The following PRKCI variants were observed in gnomAD, a reference collection of about 807,000 sequenced individuals.
PRKCI encodes the protein protein kinase C iota, also known as protein kinase C iota type.
Under a neutral mutation model 84.0 loss-of-function variants are expected in PRKCI, and 43 were observed. The observed-to-expected ratio is 0.51, with a 90% CI of 0.40 to 0.66. The LOEUF is 0.66. PRKCI is among the 30% of genes least tolerant of loss of function. The pLI is 0.00. For missense variants in PRKCI, 459 were observed against 745.6 expected, an observed-to-expected ratio of 0.62 and a Z score of 4.48; for synonymous variants, 216 against 234.4, an observed-to-expected ratio of 0.92 and a Z score of 0.72.
chr3:170,272,567 A>G (rs187194732), intron 6 of PRKCI, among the ~76,000 whole-genome samples: 1 of 152,328 alleles, frequency 6.6e-6, no homozygotes, highest in Admixed American at 6.5e-5. Flanking sequence ...TATGGAAGGA[A>G]AGGGGGCAGG....
At chr3:170,243,103 A>T (rs1733178819) in intron 2 of PRKCI, among the ~76,000 whole-genome samples, 1 of 152,180 alleles carries the variant, frequency 6.6e-6, no homozygotes, top group Non-Finnish European at 1.5e-5. Context: ...AGTTATACAT[A>T]TTAAAACTTT....
intron 8 of PRKCI, among the ~76,000 whole-genome samples, chr3:170,276,319 T>C (rs1015351953): frequency 1.3e-5 from 2 of 152,194 alleles, no homozygotes; most frequent in African/African-American, 4.8e-5. Context: ...AGCTATCAAT[T>C]CATGTCTAGC....
At chr3:170,293,202 T>G in intron 13 of PRKCI, 181 bp from the exon 14 acceptor site, 1 of 490,382 alleles carries the variant, frequency 2.0e-6, no homozygotes, top group Non-Finnish European at 3.5e-6. Flanking sequence ...ATCTTTTAGG[T>G]ACCTACCCTT....
rs180957937 is a variant in PRKCI at position 170,250,583 on chromosome 3, G to A, written c.224-9386G>A. Among the ~76,000 whole-genome samples, 7 of 152,072 alleles carry A rather than the reference G, an allele frequency of 4.6e-5. No homozygotes were observed. The East Asian group carries it at 1.4e-3, about 29-fold the overall frequency. ...TGATTCTAGACATTTCCTATACAGT[G>A]TCATTACTAATTCCTTTTATGGGTG... On this transcript the variant is annotated intron_variant, in intron 2 of 17. Transcript: ENST00000295797.
At chr3:170,288,445 C>T (rs574218090) in intron 12 of PRKCI, among the ~76,000 whole-genome samples, 1 of 152,174 alleles carries the variant, frequency 6.6e-6, no homozygotes, top group Non-Finnish European at 1.5e-5. Flanking sequence ...TCTGCCTTTC[C>T]TCCTTCTCCA....
At chr3:170,290,891 A>C (rs1734534081) in intron 12 of PRKCI, among the ~76,000 whole-genome samples, 1 of 152,076 alleles carries the variant, frequency 6.6e-6, no homozygotes, top group African/African-American at 2.4e-5. Context: ...TAATCCCAGC[A>C]CTTTGGGAGG....
intron 1 of PRKCI, among the ~76,000 whole-genome samples, chr3:170,231,652 A>G (rs1324057315): frequency 6.6e-6 from 1 of 151,876 alleles, no homozygotes; most frequent in Non-Finnish European, 1.5e-5. Flanking sequence ...TTTAGTAGAG[A>G]TGGGGATTCG....
chr3:170,238,623 A>G (rs1375066113), intron 2 of PRKCI, among the ~76,000 whole-genome samples: 3 of 138,654 alleles, frequency 2.2e-5, no homozygotes, highest in African/African-American at 8.2e-5. Flanking sequence ...AGACAGTCTC[A>G]CTCTGTTGCC....
Position 170,280,244 on chromosome 3 carries a change from A to G in PRKCI, c.723A>G (p.Glu241=), listed in dbSNP as rs781306375. 3.7e-6 allele frequency: 6 copies of G among 1,611,136 alleles called. No homozygotes were observed. Among genetic ancestry groups the G allele is most frequent in the Non-Finnish European group, 5.1e-6 (6 of 1,179,606 alleles). Residue 241 remains glutamate, a synonymous_variant, in exon 9 of 18, where the codon GAA becomes GAG. Transcript: ENST00000295797. The stretch of plus-strand genomic sequence containing the variant: ...CTCAACAGGCAATGAACACCAGGGA[A>G]AGTGGCAAAGCTTCATCCAGTCTAG... The part of the protein sequence containing the change: ...GEEKEAMNTR[E]SGKASSSLGL...
chr3:170,249,109 A>G (rs1355401912), intron 2 of PRKCI, among the ~76,000 whole-genome samples: 2 of 152,060 alleles, frequency 1.3e-5, no homozygotes, highest in Admixed American at 6.6e-5. Flanking sequence ...CGGTCTCCCA[A>G]AGCGCTGGGA....
At chr3:170,255,828 C>G (rs1043561883) in intron 2 of PRKCI, among the ~76,000 whole-genome samples, 1 of 152,130 alleles carries the variant, frequency 6.6e-6, no homozygotes, top group African/African-American at 2.4e-5. Context: ...AGGTATGTTC[C>G]TTCTATCCCC....
Position 170,280,778 on chromosome 3 carries a change from T to C in PRKCI, c.882+375T>C, listed in dbSNP as rs536757538. Among the ~76,000 whole-genome samples, 43 of 152,276 alleles carry C rather than the reference T, an allele frequency of 2.8e-4. 1 individual carries two copies. The East Asian group carries it at 7.7e-3, about 27-fold the overall frequency. On this transcript the variant is annotated intron_variant, in intron 9 of 17. Transcript: ENST00000295797. ...AGTACTATTTTAAAGAAAACCTCTA[T>C]GTTTGTGCTTTATTATCTCATTCTG...
chr3:170,255,676 G>A (rs762811007), intron 2 of PRKCI, among the ~76,000 whole-genome samples: 4 of 152,058 alleles, frequency 2.6e-5, no homozygotes, highest in Non-Finnish European at 5.9e-5. Flanking sequence ...GCTCTAGCTT[G>A]GACTTCCATT....
chr3:170,286,322 C>T (rs1225002611), intron 12 of PRKCI, among the ~76,000 whole-genome samples: 2 of 151,882 alleles, frequency 1.3e-5, no homozygotes, highest in Non-Finnish European at 2.9e-5. Flanking sequence ...TTTGTGGTAC[C>T]TTTTTGATCT....
chr3:170,302,079 G>A (rs1002539344), intron 17 of PRKCI, among the ~76,000 whole-genome samples: 7 of 152,228 alleles, frequency 4.6e-5, no homozygotes, highest in South Asian at 2.1e-4. Context: ...ATCTTTCAGA[G>A]CCACCTCAGA....
intron 4 of PRKCI, among the ~76,000 whole-genome samples, chr3:170,265,820 A>G (rs1177756162): frequency 5.9e-5 from 9 of 151,494 alleles, no homozygotes. Context: ...TATTTTTAGT[A>G]GAGTGCTAGC....
rs141741002 is a variant in PRKCI, at chr3:170,276,277, A to G, written c.705+990A>G. 6.2e-3 allele frequency among the ~76,000 whole-genome samples: 938 copies of G among 152,144 alleles called. 7 individuals carry two copies. Among genetic ancestry groups the G allele is most frequent in the African/African-American group, 0.021 (876 of 41,524 alleles). ...ATAAATAAAAGTAAACAATAATATA[A>G]CAAAGCCCTTGTATCTATTGTTAGT... is the stretch of plus-strand genomic sequence containing the variant. On this transcript the variant is annotated intron_variant, in intron 8 of 17. Coordinates refer to ENST00000295797, the MANE Select transcript of PRKCI (RefSeq NM_002740.6).
At chr3:170,281,140 T>C (rs1418501434) in intron 9 of PRKCI, 26 bp from the exon 10 acceptor site, 1 of 1,580,002 alleles carries the variant, frequency 6.3e-7, no homozygotes, top group Admixed American at 1.7e-5. Flanking sequence ...CAGTTTGACA[T>C]AGATTTCTTA....
chr3:170,284,330 A>C (rs1485096384), intron 11 of PRKCI, 131 bp from the exon 12 acceptor site: 1 of 767,572 alleles, frequency 1.3e-6, no homozygotes, highest in Non-Finnish European at 2.0e-6. Context: ...ACTTCAGTTC[A>C]TTTTTCAAAT....
Sources: gnomAD v4.1 joint callset for allele counts (sites outside exome capture counted in the v4.1 genomes callset) on GRCh38, gnomAD v4.1.1 for gene constraint, MANE v1.5 for transcripts, NCBI Gene and HGNC (gene_info 2026-07-23, HGNC 2026-07-21) for gene names.